ASH2L: variants seen among roughly 807,000 people sequenced by gnomAD.
ASH2L encodes set1/Ash2 histone methyltransferase complex subunit ASH2.
In ASH2L, 30 loss-of-function variants were observed where a neutral mutation model predicts 81.1. The observed-to-expected ratio is 0.37, with a 90% CI of 0.28 to 0.50. The LOEUF (loss-of-function observed/expected upper bound fraction) is 0.50. Among genes scored for constraint, ASH2L ranks in the 20% least tolerant of loss-of-function variants. The probability of loss-of-function intolerance (pLI) is 0.95; values close to 1 mark genes in which losing one functional copy is unlikely to be tolerated. For synonymous variants in ASH2L, 273 were observed against 279.9 expected, an observed-to-expected ratio of 0.98 and a Z score of 0.24; for missense variants, 559 against 792.1, an observed-to-expected ratio of 0.71 and a Z score of 3.53.
chr8:38,128,176 C>A, intron 10 of ASH2L, 115 bp from the exon 11 acceptor site: 1 of 1,255,524 alleles, frequency 8.0e-7, no homozygotes, highest in Non-Finnish European at 1.1e-6. Context: ...ATTTCAAACA[C>A]CTGACCTGAT....
intron 3 of ASH2L, among the ~76,000 whole-genome samples, chr8:38,109,937 G>A (rs993915417): frequency 1.5e-4 from 23 of 152,084 alleles, no homozygotes; most frequent in East Asian, 3.9e-4. Flanking sequence ...CCAGTATAAC[G>A]GATAAGGTCT....
chr8:38,111,593 G>T (rs555256865), intron 5 of ASH2L, among the ~76,000 whole-genome samples: 3 of 150,678 alleles, frequency 2.0e-5, no homozygotes, highest in Non-Finnish European at 4.4e-5. Flanking sequence ...TCGCCACGTT[G>T]CCCAGGCAGG....
At chr8:38,137,379 T>A (rs1802299953) in intron 14 of ASH2L, 1 of 104,946 alleles carries the variant, frequency 9.5e-6, no homozygotes, top group Non-Finnish European at 1.8e-5. Context: ...ACCTCATCTC[T>A]CTAAAAATAC....
chr8:38,109,772 T>G (rs749311364), intron 3 of ASH2L, among the ~76,000 whole-genome samples: 21 of 152,310 alleles, frequency 1.4e-4, no homozygotes, highest in South Asian at 8.3e-4. Flanking sequence ...TTTTCTTACA[T>G]TCTGCCTGCC....
chr8:38,136,076 A>G (rs79985420), intron 14 of ASH2L, among the ~76,000 whole-genome samples: 22,746 of 145,900 alleles, frequency 0.16, 2,265 homozygotes, highest in Middle Eastern at 0.26. Context: ...ATAACCCACC[A>G]TTATTAGTCA....
chr8:38,130,652 G>A lies in ASH2L; in HGVS notation c.1527+1701G>A, dbSNP rs560074769. Among the ~76,000 whole-genome samples, 466 of 151,946 alleles carry A rather than the reference G, an allele frequency of 3.1e-3. 1 individual carries two copies. The highest frequency in any genetic ancestry group is 0.011 in the African/African-American group (441 of 41,442). Reference sequence around the variant, plus strand: ...CTCGCTCTGTTGCCCAGGCTGGAGTGCAATGGTGCAATCTTGGCTCACTGC... The same window carrying A: ...CTCGCTCTGTTGCCCAGGCTGGAGTACAATGGTGCAATCTTGGCTCACTGC... On this transcript the variant is annotated intron_variant, in intron 12 of 15. Coordinates refer to ENST00000343823, the MANE Select transcript of ASH2L (RefSeq NM_004674.5).
intron 11 of ASH2L, 44 bp downstream of exon 11, chr8:38,128,502 A>G (rs775218352): frequency 1.9e-6 from 3 of 1,596,232 alleles, no homozygotes; most frequent in African/African-American, 1.3e-5. Flanking sequence ...GATAGAGAGG[A>G]TAGACCATCT....
chr8:38,105,799 C>T, intron 1 of ASH2L, 61 bp downstream of exon 1: 2 of 1,487,460 alleles, frequency 1.3e-6, no homozygotes, highest in African/African-American at 1.4e-5. Flanking sequence ...GCGAATCCCG[C>T]GGCTCCTGGA....
rs148393935 is a variant in ASH2L, at chr8:38,120,962, C to G, written c.978C>G (p.Pro326=). The G allele has an allele frequency of 1.4e-5, 23 of 1,613,276 alleles. No homozygotes were observed. In the African/African-American group the frequency reaches 2.1e-4, roughly 15 times the overall value. ...CTTTGTTTTCTGCTCAGCGCCTTCC[C>G]CCTCATGGCTACCCATTGGAACACC... is the stretch of plus-strand genomic sequence containing the variant. ...SDPLFSAQRL[P]PHGYPLEHPF... is the part of the protein sequence containing the mutation. Residue 326 remains proline, a synonymous_variant, in exon 10 of 16, where the codon CCC becomes CCG. Coordinates refer to ENST00000343823, the MANE Select transcript of ASH2L (RefSeq NM_004674.5).
At chr8:38,121,333 TTA>T (rs71216649) in intron 10 of ASH2L, among the ~76,000 whole-genome samples, 184 bp downstream of exon 10, 112 of 59,628 alleles carry the variant, frequency 1.9e-3, no homozygotes, top group Middle Eastern at 7.5e-3. Context: ...GCCGTTTTAT[TTA>T]TATATATATA....
At chr8:38,115,512 C>G (rs551185374) in intron 7 of ASH2L, among the ~76,000 whole-genome samples, 1 of 152,236 alleles carries the variant, frequency 6.6e-6, no homozygotes, top group South Asian at 2.1e-4. Flanking sequence ...TTTGAAAATG[C>G]AAGATTCAGC....
intron 14 of ASH2L, 91 bp from the exon 15 acceptor site, chr8:38,138,724 AC>A: frequency 1.9e-6 from 2 of 1,065,314 alleles, no homozygotes; most frequent in African/African-American, 3.1e-5. Flanking sequence ...TATTGTAGCC[AC>A]ATTTAAAGTG....
At chr8:38,111,464 C>T (rs1326192538) in intron 5 of ASH2L, among the ~76,000 whole-genome samples, 1 of 151,844 alleles carries the variant, frequency 6.6e-6, no homozygotes, top group Non-Finnish European at 1.5e-5. Flanking sequence ...CACGGCTCAC[C>T]GAAGACTTGA....
intron 11 of ASH2L, 113 bp downstream of exon 11, chr8:38,128,571 G>C (rs1307320366): frequency 5.4e-6 from 8 of 1,476,766 alleles, no homozygotes; most frequent in Non-Finnish European, 7.3e-6. Flanking sequence ...ATAGAATTCA[G>C]TTCCTGAGGG....
intron 2 of ASH2L, among the ~76,000 whole-genome samples, chr8:38,106,803 G>A (rs1173587454): frequency 7.0e-6 from 1 of 142,048 alleles, no homozygotes; most frequent in Non-Finnish European, 1.5e-5. Flanking sequence ...GAGCCACCGC[G>A]CCCGGCCTTG....
At chr8:38,110,023 C>T (rs1375459470) in intron 3 of ASH2L, among the ~76,000 whole-genome samples, 3 of 152,182 alleles carry the variant, frequency 2.0e-5, no homozygotes, top group Admixed American at 2.0e-4. Context: ...AACCTTTTTA[C>T]ATTTTAAGAC....
chr8:38,107,252 T>C (rs1401546166), intron 3 of ASH2L, 86 bp downstream of exon 3: 17 of 1,544,586 alleles, frequency 1.1e-5, no homozygotes. Context: ...GCAAAATAAA[T>C]GCAAAGTATT....
chr8:38,139,049 G>A lies in ASH2L; in HGVS notation c.1865G>A (p.Arg622His), dbSNP rs372077004. ...YHVETEVDGR[R>H]SPPWEP Reference sequence around the variant, plus strand: ...GTGGAGACAGAAGTGGATGGGAGGCGCAGTCCCCCATGGGAACCCTGACCA... The same window carrying A: ...GTGGAGACAGAAGTGGATGGGAGGCACAGTCCCCCATGGGAACCCTGACCA... Residue 622 changes from arginine to histidine, a missense_variant, in exon 16 of 16, where the codon CGC becomes CAC. Arg to His is a conservative substitution (Grantham distance 29). This residue lies in a region of ASH2L where 95 missense variants were observed against 130.7 expected (regional missense o/e 0.73). Coordinates refer to ENST00000343823, the MANE Select transcript of ASH2L (RefSeq NM_004674.5). 7 of 1,600,004 alleles carry A rather than the reference G, an allele frequency of 4.4e-6. No homozygotes were observed. The highest frequency in any genetic ancestry group is 3.6e-5 in the Admixed American group (2 of 56,338).
At chr8:38,106,277 G>A (rs1479103217) in intron 1 of ASH2L, 101 bp from the exon 2 acceptor site, 18 of 1,385,696 alleles carry the variant, frequency 1.3e-5, no homozygotes, top group Middle Eastern at 3.5e-4. Flanking sequence ...AAAAGCTGCA[G>A]GAGTATGAAG....
Sources: allele counts gnomAD v4.1 joint callset (sites outside exome capture counted in the v4.1 genomes callset), GRCh38; gene constraint gnomAD v4.1.1; regional missense constraint gnomAD v4.1.1; transcripts MANE v1.5; gene names NCBI Gene and HGNC (gene_info 2026-07-23, HGNC 2026-07-21).